NRDC: variants seen among roughly 807,000 people sequenced by gnomAD.
NRDC encodes the protein nardilysin convertase, also known as nardilysin.
A neutral mutation model predicts 147.1 loss-of-function variants in NRDC; 54 were observed. That is an observed-to-expected ratio of 0.37 (90% CI 0.29 to 0.46). The LOEUF is 0.46. Among genes scored for constraint, NRDC ranks in the 20% least tolerant of loss-of-function variants. NRDC has a pLI of 1.00. For missense variants in NRDC, 1,082 were observed against 1,370.6 expected (o/e 0.79, Z 3.33); for synonymous variants, 440 against 482.1 (o/e 0.91, Z 1.14).
intron 29 of NRDC, 195 bp from the exon 30 acceptor site, chr1:51,789,852 A>C: frequency 1.7e-6 from 1 of 584,036 alleles, no homozygotes; most frequent in Non-Finnish European, 3.1e-6. Context: ...TTTTATACCA[A>C]TCATCTACAA....
At chr1:51,877,480 G>C (rs1171144556) in intron 1 of NRDC, among the ~76,000 whole-genome samples, 1 of 152,006 alleles carries the variant, frequency 6.6e-6, no homozygotes, top group Non-Finnish European at 1.5e-5. Flanking sequence ...GGGCAACATC[G>C]CAAGACCCAG....
Position 51,840,453 on chromosome 1 carries a change from C to T in NRDC, c.403G>A (p.Gly135Ser). The change falls in exon 2 of 31, where the codon GGT becomes AGT. Residue 135 changes from glycine to serine, a missense_variant. Physicochemically the swap from Gly to Ser is moderately conservative, Grantham distance 56. Transcript: ENST00000352171. ...LLISDLSNME[G>S]KTGNTTDDEE... ...TCATCTGTTGTATTTCCTGTTTTAC[C>T]TTCCATATTACTTAGGTCTGAAATC... 6.2e-7 allele frequency: 1 copy of T among 1,612,660 alleles called. No individual in the cohort carries two copies. The highest frequency in any genetic ancestry group is 8.5e-7 in the Non-Finnish European group (1 of 1,179,258).
intron 1 of NRDC, among the ~76,000 whole-genome samples, chr1:51,840,741 T>C (rs986608835): frequency 4.6e-5 from 7 of 152,238 alleles, no homozygotes; most frequent in Non-Finnish European, 1.5e-5. Flanking sequence ...CACTTCATAA[T>C]ATACGCTGTT....
chr1:51,818,098 T>C lies in NRDC; in HGVS notation c.1329A>G (p.Thr443=). The change falls in exon 10 of 31, where the codon ACA becomes ACG. Residue 443 remains threonine (T), a synonymous_variant. Transcript: ENST00000352171. ...GTTGCTGTTGAGGAGGAAGTGCCCA[T>C]GTGATGGTCAGAGCATGAATTTTTC... ...PIRKIHALTI[T]WALPPQQQHY... The C allele has an allele frequency of 3.1e-6, 5 of 1,606,398 alleles. No homozygotes were observed. Among genetic ancestry groups the C allele is most frequent in the Non-Finnish European group, 4.2e-6 (5 of 1,177,926 alleles).
chr1:51,838,647 G>C (rs1191723879), intron 2 of NRDC, among the ~76,000 whole-genome samples: 2 of 151,976 alleles, frequency 1.3e-5, no homozygotes, highest in Non-Finnish European at 2.9e-5. Context: ...AAAAAAGAAA[G>C]AAAATGAAAA....
chr1:51,877,916 G>A, intron 1 of NRDC: 1 of 671,032 alleles, frequency 1.5e-6, no homozygotes, highest in Non-Finnish European at 2.0e-6. Flanking sequence ...TAAATATCCT[G>A]TCCTCCAAAT....
At position 51,816,377 on chromosome 1, in the gene NRDC, A is replaced by C; in HGVS notation, c.1374T>G (p.Leu458=). The C allele has an allele frequency of 6.3e-7, 1 of 1,598,204 alleles. No homozygotes were observed. The highest frequency in any genetic ancestry group is 8.5e-7 in the Non-Finnish European group (1 of 1,171,968). ...PQQQHYRVKP[L]HYISWLVGHE... Reference sequence around the variant, plus strand: ...GTCCAACCAGCCAGGATATATAATGAAGTGGCTTCACCCTTTTAAAAAAAT... The same window carrying C: ...GTCCAACCAGCCAGGATATATAATGCAGTGGCTTCACCCTTTTAAAAAAAT... Residue 458 remains leucine, a synonymous_variant, in exon 11 of 31, where the codon CTT becomes CTG. Transcript: ENST00000352171.
At chr1:51,872,614 G>A (rs2124138266) in intron 1 of NRDC, among the ~76,000 whole-genome samples, 2 of 152,282 alleles carry the variant, frequency 1.3e-5, no homozygotes, top group Non-Finnish European at 2.9e-5. Flanking sequence ...AAGGTGGGGA[G>A]GATGGCTTGA....
intron 20 of NRDC, 163 bp from the exon 21 acceptor site, chr1:51,800,846 T>C: frequency 1.5e-6 from 1 of 666,244 alleles, no homozygotes; most frequent in South Asian, 2.0e-5. Context: ...GTTTGTTTGT[T>C]TGGGTGTTAC....
chr1:51,812,230 T>C (rs1376492742), intron 14 of NRDC, 132 bp from the exon 15 acceptor site: 2 of 604,946 alleles, frequency 3.3e-6, no homozygotes, highest in Non-Finnish European at 5.7e-6. Context: ...CAACGAGATA[T>C]AATTGCAGCT....
chr1:51,846,599 G>T (rs886775281), intron 1 of NRDC, among the ~76,000 whole-genome samples: 1 of 152,194 alleles, frequency 6.6e-6, no homozygotes, highest in Non-Finnish European at 1.5e-5. Context: ...TCCTGCCTGT[G>T]GGTTCGTACT....
chr1:51,789,315 T>C lies in NRDC; in HGVS notation c.3377A>G (p.Asp1126Gly), dbSNP rs780194369. ...TYLPTSPLLA[D>G]CIIPITDIRA... Reference sequence around the variant, plus strand: ...GATATCAGTAATGGGGATGATACAATCTGCCAGCAGAGGAGAGGTTGGCAG... The same window carrying C: ...GATATCAGTAATGGGGATGATACAACCTGCCAGCAGAGGAGAGGTTGGCAG... Residue 1126 changes from aspartate to glycine, a missense_variant, in exon 31 of 31, where the codon GAT becomes GGT. Transcript: ENST00000352171. 6.2e-7 allele frequency: 1 copy of C among 1,614,132 alleles called. No individual in the cohort carries two copies. Among genetic ancestry groups the C allele is most frequent in the Non-Finnish European group, 8.5e-7 (1 of 1,179,970 alleles).
Position 51,840,355 on chromosome 1 carries a change from GTCA to G in NRDC, c.498_500del (p.Asp168del). On this transcript the variant is annotated inframe_deletion, in exon 2 of 31. Coordinates refer to ENST00000352171, the MANE Select transcript of NRDC (RefSeq NM_001101662.2). ...CTTCATCATCAAAACCCTCTTCATC[GTCA>G]TCTTCTATTTCAGCTCCAGAATCTT... The G allele has an allele frequency of 6.5e-7, 1 of 1,527,858 alleles. No individual in the cohort carries two copies. The highest frequency in any genetic ancestry group is 9.1e-7 in the Non-Finnish European group (1 of 1,102,516). 94.6% of individuals were successfully genotyped at this position (1,527,858 alleles called of 1,614,324 possible).
At chr1:51,793,562 C>T (rs890750837) in intron 24 of NRDC, among the ~76,000 whole-genome samples, 3 of 152,142 alleles carry the variant, frequency 2.0e-5, no homozygotes, top group African/African-American at 4.8e-5. Flanking sequence ...AAGAGATGAC[C>T]GTGACATCGG....
intron 1 of NRDC, among the ~76,000 whole-genome samples, chr1:51,850,509 A>G (rs72901917): frequency 0.046 from 7,025 of 152,290 alleles, 410 homozygotes; most frequent in African/African-American, 0.13. Context: ...AGAAAATATT[A>G]AGTTCTTTCA....
At position 51,825,308 on chromosome 1, in the gene NRDC, G is replaced by T; in HGVS notation, c.1015C>A (p.Pro339Thr). The change falls in exon 6 of 31, where the codon CCT (proline) becomes ACT (threonine). Residue 339 changes from proline to threonine, a missense_variant. By Grantham distance (38) the Pro-to-Thr change is conservative. This residue lies in a region of NRDC where 635 missense variants were observed against 923.8 expected (regional missense o/e 0.69). Transcript: ENST00000352171. ...TTACCCCAAAAAAATTTTCCCATAGGATGTCCAGGTCTAGCAAGGCTTCCA... is the reference window on the plus strand; with the variant it reads ...TTACCCCAAAAAAATTTTCCCATAGTATGTCCAGGTCTAGCAAGGCTTCCA... ...LFGSLARPGH[P>T]MGKFFWGNAE... The T allele has an allele frequency of 6.2e-7, 1 of 1,601,578 alleles. No individual in the cohort carries two copies. Among genetic ancestry groups the T allele is most frequent in the East Asian group, 2.3e-5 (1 of 44,082 alleles).
At chr1:51,817,973 A>C in intron 10 of NRDC, 93 bp downstream of exon 10, 1 of 894,038 alleles carries the variant, frequency 1.1e-6, no homozygotes, top group Non-Finnish European at 1.8e-6. Context: ...CTATGTTTAT[A>C]AATTCAGAAC....
At position 51,789,449 on chromosome 1, in the gene NRDC, G is replaced by A; in HGVS notation, c.3259-16C>T. The A allele has an allele frequency of 6.2e-7, 1 of 1,613,300 alleles. No homozygotes were observed. Among genetic ancestry groups the A allele is most frequent in the Non-Finnish European group, 8.5e-7 (1 of 1,179,308 alleles). ...ATCCAACAACCTGAAAGAGGACAAA[G>A]ACAAAAGTGAAAAATATGCTGACCA... On this transcript the variant is annotated splice_polypyrimidine_tract_variant and intron_variant, in intron 30 of 30. Coordinates refer to ENST00000352171, the MANE Select transcript of NRDC (RefSeq NM_001101662.2).
intron 1 of NRDC, among the ~76,000 whole-genome samples, chr1:51,856,415 T>C (rs1368907155): frequency 6.6e-6 from 1 of 152,120 alleles, no homozygotes; most frequent in East Asian, 1.9e-4. Flanking sequence ...CAGTTTCAAG[T>C]CCAGACCTCT....
Sources: gnomAD v4.1 joint callset for allele counts (sites outside exome capture counted in the v4.1 genomes callset) on GRCh38, gnomAD v4.1.1 for gene constraint, gnomAD v4.1.1 regional missense constraint, MANE v1.5 for transcripts, NCBI Gene and HGNC (gene_info 2026-07-23, HGNC 2026-07-21) for gene names.